The following GRM1 variants were observed in gnomAD, a reference collection of about 807,000 sequenced individuals.
The protein encoded by GRM1 is metabotropic glutamate receptor 1.
In GRM1, 33 loss-of-function variants were observed where a neutral mutation model predicts 90.9. That is an observed-to-expected ratio of 0.36 (90% CI 0.28 to 0.49). The LOEUF (loss-of-function observed/expected upper bound fraction) is 0.49. Ranked by LOEUF, GRM1 falls within the 20% of genes least tolerant of loss-of-function variation. GRM1 has a pLI of 0.99. For synonymous variants in GRM1, 700 were observed against 613.2 expected (o/e 1.14, Z -2.09); for missense variants, 1,190 against 1,534.3 (o/e 0.78, Z 3.75).
At chr6:146,146,066 T>C (rs1369115425) in intron 1 of GRM1, among the ~76,000 whole-genome samples, 1 of 149,262 alleles carries the variant, frequency 6.7e-6, no homozygotes. Context: ...TTTTGGAATG[T>C]AAATATTTGC....
At chr6:146,368,273 A>C (rs1388571035) in intron 5 of GRM1, among the ~76,000 whole-genome samples, 1 of 131,036 alleles carries the variant, frequency 7.6e-6, no homozygotes, top group Admixed American at 7.6e-5. Context: ...GGGGGGGGGT[A>C]GAATCTTTAG....
intron 3 of GRM1, among the ~76,000 whole-genome samples, chr6:146,323,963 G>A (rs1280387582): frequency 6.6e-6 from 1 of 152,098 alleles, no homozygotes; most frequent in Non-Finnish European, 1.5e-5. Flanking sequence ...CTCTGTTTTG[G>A]TACCAGTACC....
chr6:146,197,748 A>G (rs927112894), intron 2 of GRM1, among the ~76,000 whole-genome samples: 5 of 152,218 alleles, frequency 3.3e-5, no homozygotes, highest in Non-Finnish European at 7.3e-5. Context: ...TCTATTTGTA[A>G]TGAAAAACAG....
chr6:146,244,874 G>T (rs1781001239), intron 2 of GRM1, among the ~76,000 whole-genome samples: 1 of 152,174 alleles, frequency 6.6e-6, no homozygotes, highest in Admixed American at 6.6e-5. Context: ...TCTGTACTGT[G>T]GCCATCAGCA....
intron 1 of GRM1, among the ~76,000 whole-genome samples, chr6:146,096,459 G>A (rs1776877027): frequency 6.6e-6 from 1 of 152,098 alleles, no homozygotes; most frequent in Non-Finnish European, 1.5e-5. Flanking sequence ...CCAGCTGCTG[G>A]CCTGCTTAAA....
chr6:146,230,753 G>A (rs890222237), intron 2 of GRM1, among the ~76,000 whole-genome samples: 5 of 152,024 alleles, frequency 3.3e-5, no homozygotes, highest in African/African-American at 9.7e-5. Context: ...ACCAAATCTT[G>A]GAAGCAATCA....
chr6:146,196,101 G>C (rs1283997286), intron 2 of GRM1, among the ~76,000 whole-genome samples: 3 of 152,172 alleles, frequency 2.0e-5, no homozygotes, highest in Admixed American at 6.5e-5. Context: ...GCTGTTGTTG[G>C]TGCATGATAA....
chr6:146,203,439 A>C (rs1346243488), intron 2 of GRM1, among the ~76,000 whole-genome samples: 1 of 152,108 alleles, frequency 6.6e-6, no homozygotes, highest in East Asian at 1.9e-4. Context: ...TGAATGTAGG[A>C]GTGCATGCAA....
chr6:146,074,474 C>G (rs1338134346), intron 1 of GRM1, among the ~76,000 whole-genome samples: 2 of 152,094 alleles, frequency 1.3e-5, no homozygotes, highest in Non-Finnish European at 2.9e-5. Context: ...GAATCTGTGC[C>G]TACATTAGAC....
rs544786296 is a variant in GRM1, at chr6:146,381,154, C to T, written c.1603-5736C>T. Reference sequence around the variant, plus strand: ...GTTGTCCCAGTATGTTATCTGCCCCCACCAGTCCACTGTCTCTGGGCCTAG... The same window carrying T: ...GTTGTCCCAGTATGTTATCTGCCCCTACCAGTCCACTGTCTCTGGGCCTAG... On this transcript the variant is annotated intron_variant, in intron 5 of 7. Transcript: ENST00000282753. Among the ~76,000 whole-genome samples, 27 of 152,288 alleles carry T rather than the reference C, an allele frequency of 1.8e-4. No individual in the cohort carries two copies. In the South Asian group the frequency reaches 5.4e-3, roughly 30 times the overall value.
intron 1 of GRM1, among the ~76,000 whole-genome samples, chr6:146,048,154 A>G (rs1251745537): frequency 1.3e-5 from 2 of 152,006 alleles, no homozygotes; most frequent in African/African-American, 4.8e-5. Flanking sequence ...ATATCTTTGT[A>G]AGGTCTGATA....
At chr6:146,363,634 A>G (rs1406812753) in intron 5 of GRM1, among the ~76,000 whole-genome samples, 2 of 152,176 alleles carry the variant, frequency 1.3e-5, no homozygotes, top group Non-Finnish European at 2.9e-5. Context: ...ATATATTTCT[A>G]CTATGTGTAA....
At chr6:146,107,548 G>A (rs1257871831) in intron 1 of GRM1, among the ~76,000 whole-genome samples, 2 of 151,974 alleles carry the variant, frequency 1.3e-5, no homozygotes, top group East Asian at 3.9e-4. Flanking sequence ...AGCCCAAAAT[G>A]GAACTGCAGT....
chr6:146,412,990 G>C (rs976069118), intron 7 of GRM1, among the ~76,000 whole-genome samples: 1 of 152,048 alleles, frequency 6.6e-6, no homozygotes, highest in Non-Finnish European at 1.5e-5. Context: ...CTTACCTCCT[G>C]TTCCTATGAT....
chr6:146,336,942 G>T (rs1161981947), intron 3 of GRM1, among the ~76,000 whole-genome samples: 2 of 152,214 alleles, frequency 1.3e-5, no homozygotes, highest in Non-Finnish European at 2.9e-5. Context: ...GTACCCTCAG[G>T]TGTTTGTGTC....
chr6:146,170,343 A>T (rs1457980043), intron 2 of GRM1, among the ~76,000 whole-genome samples: 1 of 152,132 alleles, frequency 6.6e-6, no homozygotes, highest in Non-Finnish European at 1.5e-5. Context: ...ATTGCTTTAA[A>T]TATTTTTTCT....
At chr6:146,136,829 T>C (rs1241152522) in intron 1 of GRM1, among the ~76,000 whole-genome samples, 1 of 151,794 alleles carries the variant, frequency 6.6e-6, no homozygotes. Context: ...TTGTTGATTG[T>C]TTTCTTTGTT....
chr6:146,292,678 A>G (rs888385000), intron 2 of GRM1, among the ~76,000 whole-genome samples: 1 of 152,002 alleles, frequency 6.6e-6, no homozygotes, highest in Non-Finnish European at 1.5e-5. Flanking sequence ...GGAATGTAGA[A>G]TAGTGCAGCT....
intron 1 of GRM1, among the ~76,000 whole-genome samples, chr6:146,085,523 T>C (rs979359714): frequency 2.0e-5 from 3 of 152,200 alleles, no homozygotes; most frequent in African/African-American, 7.2e-5. Context: ...TAATACCTAC[T>C]AGGTTTTTAA....
Sources: gnomAD v4.1 joint callset for allele counts (sites outside exome capture counted in the v4.1 genomes callset) on GRCh38, gnomAD v4.1.1 for gene constraint, MANE v1.5 for transcripts, NCBI Gene and HGNC (gene_info 2026-07-23, HGNC 2026-07-21) for gene names.